Variants in GPC5 observed in about 807,000 individuals in gnomAD.
GPC5 encodes glypican-5.
In GPC5, 47 loss-of-function variants were observed where a neutral mutation model predicts 53.9. That is an observed-to-expected ratio of 0.87 (90% confidence interval 0.69 to 1.11). The LOEUF (loss-of-function observed/expected upper bound fraction) is 1.11, where lower values mean the gene tolerates loss of function less well. Among genes scored for constraint, GPC5 ranks in the 50% most tolerant of loss-of-function variants. The pLI, the probability that GPC5 is intolerant of heterozygous loss-of-function variation, is 0.00. For synonymous variants in GPC5, 286 were observed against 263.3 expected, an observed-to-expected ratio of 1.09 and a Z score of -0.84; for missense variants, 748 against 713.1, an observed-to-expected ratio of 1.05 and a Z score of -0.56.
intron 7 of GPC5, among the ~76,000 whole-genome samples, chr13:92,263,411 C>T (rs1283950678): frequency 1.3e-5 from 2 of 152,140 alleles, no homozygotes; most frequent in Non-Finnish European, 2.9e-5. Context: ...TATCTTAGGA[C>T]ATGTGTTTCC....
chr13:92,458,304 G>T (rs61449937), intron 7 of GPC5, among the ~76,000 whole-genome samples: 20,134 of 131,658 alleles, frequency 0.15, 1,069 homozygotes, highest in South Asian at 0.22. Context: ...TTCTTTTTTT[G>T]GGGGGGGCAG....
intron 5 of GPC5, among the ~76,000 whole-genome samples, chr13:91,775,145 T>C (rs910648830): frequency 1.3e-5 from 2 of 151,810 alleles, no homozygotes; most frequent in African/African-American, 2.4e-5. Context: ...AGCAAAGGAG[T>C]CATCATGAGA....
rs145544887 is a variant in GPC5 at position 92,592,826 on chromosome 13, C to T, written c.1562-273456C>T. On this transcript the variant is annotated intron_variant, in intron 7 of 7. Transcript: ENST00000377067. ...GAGCGAGATGGCCTGTGTGACAGCT[C>T]CTTGCAATACTAGAGTTGAGTGAGT... 1.6e-3 allele frequency among the ~76,000 whole-genome samples: 243 copies of T among 151,260 alleles called. 5 individuals carry two copies. Among genetic ancestry groups the T allele is most frequent in the African/African-American group, 5.8e-3 (239 of 41,306 alleles).
intron 7 of GPC5, among the ~76,000 whole-genome samples, chr13:92,211,376 C>A (rs1359700242): frequency 6.6e-6 from 1 of 152,188 alleles, no homozygotes; most frequent in Non-Finnish European, 1.5e-5. Context: ...TTCCTGACAC[C>A]CTGTCTATGT....
intron 2 of GPC5, among the ~76,000 whole-genome samples, chr13:91,500,528 T>G (rs566635108): frequency 1.6e-4 from 24 of 152,330 alleles, no homozygotes; most frequent in African/African-American, 5.8e-4. Flanking sequence ...CATTTGGCCA[T>G]GCATACACTA....
At chr13:91,786,376 C>G (rs2037879222) in intron 5 of GPC5, among the ~76,000 whole-genome samples, 1 of 152,172 alleles carries the variant, frequency 6.6e-6, no homozygotes, top group South Asian at 2.1e-4. Context: ...CCCCAGTGAC[C>G]TCTCTGATCA....
At chr13:91,503,597 T>C (rs930066572) in intron 2 of GPC5, among the ~76,000 whole-genome samples, 3 of 151,538 alleles carry the variant, frequency 2.0e-5, no homozygotes, top group African/African-American at 7.3e-5. Context: ...CTGGCCAACA[T>C]GGTGAAACCC....
chr13:91,546,134 C>T lies in GPC5; in HGVS notation c.325+97212C>T, dbSNP rs191237310. On this transcript the variant is annotated intron_variant, in intron 2 of 7. Transcript: ENST00000377067. ...TCTTGTACATCATTTAGGATAATAT[C>T]ATGATCTCTGTAAAGTGAAAATTAA... Among the ~76,000 whole-genome samples the T allele has an allele frequency of 1.4e-3, 208 of 152,158 alleles. 3 individuals are homozygous for T. Among genetic ancestry groups the T allele is most frequent in the African/African-American group, 4.8e-3 (199 of 41,548 alleles).
At chr13:91,959,644 A>T (rs1411515) in intron 6 of GPC5, among the ~76,000 whole-genome samples, 75,042 of 151,826 alleles carry the variant, frequency 0.49, 19,251 homozygotes, top group East Asian at 0.75. Context: ...AAATTTCTCA[A>T]AAAAATACTA....
intron 2 of GPC5, among the ~76,000 whole-genome samples, chr13:91,612,157 G>A (rs2033571800): frequency 6.6e-6 from 1 of 152,136 alleles, no homozygotes; most frequent in Non-Finnish European, 1.5e-5. Flanking sequence ...AGAGATAAAT[G>A]GCAGTCTTGT....
intron 7 of GPC5, among the ~76,000 whole-genome samples, chr13:92,569,771 C>A (rs1049420850): frequency 3.5e-4 from 53 of 152,142 alleles, no homozygotes; most frequent in African/African-American, 1.3e-3. Context: ...TGGCCTTTTC[C>A]TTAAAAAAAT....
intron 5 of GPC5, among the ~76,000 whole-genome samples, chr13:91,860,825 A>G (rs977087785): frequency 1.3e-5 from 2 of 150,894 alleles, no homozygotes; most frequent in African/African-American, 2.4e-5. Context: ...TTCTTTATCC[A>G]CTCATCTGTT....
At chr13:92,455,738 C>T (rs1391634954) in intron 7 of GPC5, among the ~76,000 whole-genome samples, 2 of 152,148 alleles carry the variant, frequency 1.3e-5, no homozygotes, top group African/African-American at 4.8e-5. Context: ...TTTTAAAGTT[C>T]ATTTCTGAGC....
chr13:92,548,260 A>G (rs998440704), intron 7 of GPC5, among the ~76,000 whole-genome samples: 4 of 152,124 alleles, frequency 2.6e-5, no homozygotes, highest in Middle Eastern at 3.4e-3. Flanking sequence ...GGGAAAAATC[A>G]TCATTTTTAA....
intron 5 of GPC5, among the ~76,000 whole-genome samples, chr13:91,774,229 C>G (rs1474698620): frequency 6.6e-6 from 1 of 152,214 alleles, no homozygotes; most frequent in Non-Finnish European, 1.5e-5. Context: ...AAGACTCTGT[C>G]TCTTGCCCGT....
At chr13:92,073,752 T>A (rs1396096965) in intron 6 of GPC5, among the ~76,000 whole-genome samples, 4 of 152,188 alleles carry the variant, frequency 2.6e-5, no homozygotes, top group African/African-American at 9.7e-5. Flanking sequence ...TCATTTACAA[T>A]GAAGTCAGTT....
intron 6 of GPC5, among the ~76,000 whole-genome samples, chr13:92,093,440 A>C (rs1324032001): frequency 6.6e-6 from 1 of 152,204 alleles, no homozygotes; most frequent in Non-Finnish European, 1.5e-5. Flanking sequence ...CTACATGTAT[A>C]TAAAAATACA....
At chr13:91,576,639 C>A (rs2032147615) in intron 2 of GPC5, among the ~76,000 whole-genome samples, 1 of 152,086 alleles carries the variant, frequency 6.6e-6, no homozygotes, top group African/African-American at 2.4e-5. Context: ...GACCACGCTG[C>A]CCCTCCTGAT....
At chr13:91,431,391 G>A (rs942300192) in intron 1 of GPC5, among the ~76,000 whole-genome samples, 1 of 152,154 alleles carries the variant, frequency 6.6e-6, no homozygotes, top group South Asian at 2.1e-4. Context: ...CGATCAATCT[G>A]TCTTCTCCTA....
Sources: allele counts gnomAD v4.1 joint callset (sites outside exome capture counted in the v4.1 genomes callset), GRCh38; gene constraint gnomAD v4.1.1; transcripts MANE v1.5; gene names NCBI Gene and HGNC (gene_info 2026-07-23, HGNC 2026-07-21).